Variants in TAS2R1 observed in about 807,000 individuals in gnomAD.
TAS2R1 encodes taste 2 receptor member 1.
For synonymous variants in TAS2R1, 141 were observed against 134.2 expected (o/e 1.05, Z -0.35); for missense variants, 370 against 353.4 (o/e 1.05, Z -0.38).
At chr5:9,679,698 T>C (rs1740957330) in intron 1 of TAS2R1, among the ~76,000 whole-genome samples, 1 of 152,168 alleles carries the variant, frequency 6.6e-6, no homozygotes, top group African/African-American at 2.4e-5. Context: ...AGGAGGAGGC[T>C]AGAATGATAT....
At chr5:9,890,224 G>A in the TAS2R1 span, among the ~76,000 whole-genome samples, 1 of 152,172 alleles carries the variant, frequency 6.6e-6, no homozygotes, top group Non-Finnish European at 1.5e-5. Flanking sequence ...CAGAACCTTT[G>A]TGTTCTCTCA....
intron 2 of TAS2R1, among the ~76,000 whole-genome samples, chr5:9,655,419 GA>G (rs893021810): frequency 1.1e-4 from 17 of 151,734 alleles, no homozygotes; most frequent in African/African-American, 2.9e-4. Context: ...GTAATAATGA[GA>G]AAAAAATCAT....
At chr5:9,650,243 T>C (rs1304291635) in intron 2 of TAS2R1, among the ~76,000 whole-genome samples, 1 of 152,144 alleles carries the variant, frequency 6.6e-6, no homozygotes, top group Non-Finnish European at 1.5e-5. Flanking sequence ...CTGGATTTGT[T>C]TGTGGTTGCC....
At chr5:9,699,539 T>C (rs1295495227) in intron 1 of TAS2R1, among the ~76,000 whole-genome samples, 2 of 152,186 alleles carry the variant, frequency 1.3e-5, no homozygotes, top group African/African-American at 2.4e-5. Context: ...CCAAAACTCA[T>C]GGTCTCAGGG....
At chr5:9,847,191 T>C in the TAS2R1 span, among the ~76,000 whole-genome samples, 4 of 152,232 alleles carry the variant, frequency 2.6e-5, no homozygotes, top group Non-Finnish European at 4.4e-5. Context: ...TTGTCCATTG[T>C]TACAAACAGC....
At chr5:9,673,287 A>C (rs1180256026) in intron 1 of TAS2R1, among the ~76,000 whole-genome samples, 1 of 152,154 alleles carries the variant, frequency 6.6e-6, no homozygotes, top group Non-Finnish European at 1.5e-5. Context: ...TTACCCCTGA[A>C]GCTAAAATAA....
chr5:9,759,749 G>A, the TAS2R1 span, among the ~76,000 whole-genome samples: 3 of 152,064 alleles, frequency 2.0e-5, no homozygotes, highest in Non-Finnish European at 4.4e-5. Context: ...TTAAAGTGGT[G>A]GTTTATTATG....
chr5:9,879,527 T>C, the TAS2R1 span, among the ~76,000 whole-genome samples: 1 of 152,224 alleles, frequency 6.6e-6, no homozygotes, highest in African/African-American at 2.4e-5. Flanking sequence ...ACTATCATTC[T>C]GGTAGACCTA....
the TAS2R1 span, among the ~76,000 whole-genome samples, chr5:9,776,866 T>C: frequency 6.6e-6 from 1 of 152,180 alleles, no homozygotes. Flanking sequence ...AATGTCCCAA[T>C]AAAGTGAGTC....
chr5:9,755,429 T>C, the TAS2R1 span, among the ~76,000 whole-genome samples: 1 of 150,864 alleles, frequency 6.6e-6, no homozygotes, highest in African/African-American at 2.4e-5. Flanking sequence ...TCTACTAAAA[T>C]ACAAAAAATT....
chr5:9,801,350 T>G, the TAS2R1 span, among the ~76,000 whole-genome samples: 1 of 152,240 alleles, frequency 6.6e-6, no homozygotes, highest in African/African-American at 2.4e-5. Flanking sequence ...CCACTCAGTC[T>G]ATGATATTTT....
At chr5:9,648,233 C>T (rs1046883389) in intron 2 of TAS2R1, among the ~76,000 whole-genome samples, 1 of 151,578 alleles carries the variant, frequency 6.6e-6, no homozygotes, top group African/African-American at 2.4e-5. Flanking sequence ...TTTCAGGCCT[C>T]AACATTTAAG....
At chr5:9,902,044 T>C in the TAS2R1 span, among the ~76,000 whole-genome samples, 505 of 152,138 alleles carry the variant, frequency 3.3e-3, 7 homozygotes, top group African/African-American at 0.012. Context: ...CGTCTGTCCC[T>C]CAGATATCAC....
At chr5:9,853,284 G>A in the TAS2R1 span, among the ~76,000 whole-genome samples, 24 of 152,196 alleles carry the variant, frequency 1.6e-4, no homozygotes, top group Non-Finnish European at 2.8e-4. Context: ...GACTGCTCCC[G>A]CAGAGCAGGG....
chr5:9,851,866 T>C, the TAS2R1 span, among the ~76,000 whole-genome samples: 1 of 152,252 alleles, frequency 6.6e-6, no homozygotes, highest in African/African-American at 2.4e-5. Flanking sequence ...TGCTTCTCTG[T>C]AGATAGAATC....
At chr5:9,778,210 A>C in the TAS2R1 span, among the ~76,000 whole-genome samples, 20 of 152,318 alleles carry the variant, frequency 1.3e-4, no homozygotes, top group East Asian at 3.9e-3. Flanking sequence ...GTGAGTAGTA[A>C]TATTCTGAAA....
At chr5:9,712,279 C>G (rs542421099), upstream of TAS2R1, 1 of 152,310 alleles carries the variant, frequency 6.6e-6, no homozygotes, top group Non-Finnish European at 1.5e-5. Context: ...ACCACCAATT[C>G]TTGCTGTCTT....
chr5:9,642,002 T>C (rs1257169561), intron 2 of TAS2R1: 1 of 152,224 alleles, frequency 6.6e-6, no homozygotes, highest in African/African-American at 2.4e-5. Context: ...TCCATTCACT[T>C]GCACTCATCT....
In TAS2R1 at chr5:9,627,488, G is replaced by A. The variant is rs967041378; in HGVS notation, c.*1645C>T. Among the ~76,000 whole-genome samples the A allele has an allele frequency of 1.3e-5, 2 of 151,766 alleles. No individual in the cohort carries two copies. The highest frequency in any genetic ancestry group is 4.2e-4 in the South Asian group (2 of 4,818). On this transcript the variant is annotated 3_prime_UTR_variant, in exon 1 of 1. Transcript: ENST00000382492. The stretch of plus-strand genomic sequence containing the variant: ...TTGCATGAAATAGAATCAGAATTTA[G>A]TATCAGAAAAAAAAACACATGAGAG...
Sources: gnomAD v4.1 joint callset for allele counts (sites outside exome capture counted in the v4.1 genomes callset) on GRCh38, gnomAD v4.1.1 for gene constraint, MANE v1.5 for transcripts, NCBI Gene and HGNC (gene_info 2026-07-23, HGNC 2026-07-21) for gene names.